The following EDEM3 variants were observed in gnomAD, a reference collection of about 807,000 sequenced individuals.
EDEM3 encodes ER degradation enhancing alpha-mannosidase like protein 3.
EDEM3 carries 60 observed loss-of-function variants against 110.2 expected under a neutral mutation model. The observed-to-expected ratio is 0.54, with a 90% CI of 0.44 to 0.67. The LOEUF (loss-of-function observed/expected upper bound fraction) is 0.67. Among genes scored for constraint, EDEM3 ranks in the 30% least tolerant of loss-of-function variants. The pLI, the probability that EDEM3 is intolerant of heterozygous loss-of-function variation, is 0.00. For synonymous variants in EDEM3, 352 were observed against 382.9 expected, an observed-to-expected ratio of 0.92 and a Z score of 0.94; for missense variants, 996 against 1,121.0, an observed-to-expected ratio of 0.89 and a Z score of 1.59.
chr1:184,749,377 T>A (rs1264332085), intron 2 of EDEM3, among the ~76,000 whole-genome samples, 170 bp downstream of exon 2: 4 of 152,180 alleles, frequency 2.6e-5, no homozygotes, highest in Non-Finnish European at 5.9e-5. Flanking sequence ...ATCTGTTCAA[T>A]AAACTGGTTC....
Position 184,734,568 on chromosome 1 carries a change from C to G in EDEM3, c.421G>C (p.Val141Leu). Residue 141 changes from valine (V) to leucine (L), a missense_variant, in exon 5 of 20, where the codon GTC becomes CTC. Physicochemically the swap from Val to Leu is conservative, Grantham distance 32. Around this residue, in one of 5 missense-constraint regions of EDEM3, gnomAD observed 200 missense variants for 183.8 expected, o/e 1.09. Transcript: ENST00000318130. ...LRDVNLDNDV[V>L]VSVFETNIRV... ...ATGTTTGTTTCAAAGACTGATACGACTACATCGTTATCTAAATTAACATCT... is the reference window on the plus strand; with the variant it reads ...ATGTTTGTTTCAAAGACTGATACGAGTACATCGTTATCTAAATTAACATCT... 1 of 1,553,148 alleles carries G rather than the reference C, an allele frequency of 6.4e-7. No homozygotes were observed. The highest frequency in any genetic ancestry group is 1.2e-5 in the South Asian group (1 of 80,254).
At chr1:184,747,799 G>A (rs190051968) in intron 2 of EDEM3, among the ~76,000 whole-genome samples, 174 of 152,322 alleles carry the variant, frequency 1.1e-3, no homozygotes, top group African/African-American at 3.9e-3. Context: ...AACCTACTAA[G>A]TGTATTCTAT....
At chr1:184,752,243 T>C (rs1652809128) in intron 1 of EDEM3, among the ~76,000 whole-genome samples, 1 of 152,180 alleles carries the variant, frequency 6.6e-6, no homozygotes, top group African/African-American at 2.4e-5. Flanking sequence ...CCACAAAGTG[T>C]AAGTTATTGA....
At chr1:184,703,544 GCTAAA>G (rs1375079410) in intron 18 of EDEM3, among the ~76,000 whole-genome samples, 9 of 152,222 alleles carry the variant, frequency 5.9e-5, no homozygotes, top group South Asian at 2.1e-4. Context: ...TCCTCTATAA[GCTAAA>G]CTAAACAGTA....
rs144035602 is a variant in EDEM3 at position 184,712,534 on chromosome 1, C to A, written c.1435G>T (p.Asp479Tyr). The change falls in exon 14 of 20, where the codon GAC becomes TAC. Residue 479 changes from aspartate to tyrosine, a missense_variant. This residue lies in a region of EDEM3 where 138 missense variants were observed against 124.3 expected (regional missense o/e 1.11). Coordinates refer to ENST00000318130, the MANE Select transcript of EDEM3 (RefSeq NM_025191.4). ...TAATCTTCTATGTCAAAAATAATGTCTTCTTTATCAGCAAATAACAGGTAA... is the reference window on the plus strand; with the variant it reads ...TAATCTTCTATGTCAAAAATAATGTATTCTTTATCAGCAAATAACAGGTAA... ...YLYLLFADKE[D>Y]IIFDIEDYIF... 43 of 1,596,892 alleles carry A rather than the reference C, an allele frequency of 2.7e-5. No homozygotes were observed. Among genetic ancestry groups the A allele is most frequent in the Admixed American group, 6.9e-5 (4 of 58,268 alleles).
chr1:184,723,661 C>T, intron 8 of EDEM3, 90 bp downstream of exon 8: 2 of 1,053,374 alleles, frequency 1.9e-6, no homozygotes, highest in South Asian at 2.8e-5. Flanking sequence ...TTTATAGTAT[C>T]CCAAAGATTA....
chr1:184,748,448 CAA>C (rs139480614), intron 2 of EDEM3, among the ~76,000 whole-genome samples: 3 of 138,150 alleles, frequency 2.2e-5, no homozygotes, highest in Non-Finnish European at 3.1e-5. Flanking sequence ...AACTCCGTCT[CAA>C]AAAAAAAAAC....
At chr1:184,710,366 G>T in intron 16 of EDEM3, 28 bp downstream of exon 16, 2 of 1,605,498 alleles carry the variant, frequency 1.2e-6, no homozygotes, top group Non-Finnish European at 1.7e-6. Flanking sequence ...GGCAGAGACG[G>T]TATCTAATTA....
At chr1:184,728,430 A>C (rs933352616) in intron 6 of EDEM3, among the ~76,000 whole-genome samples, 1 of 152,148 alleles carries the variant, frequency 6.6e-6, no homozygotes, top group African/African-American at 2.4e-5. Flanking sequence ...AAATGGAAAT[A>C]CTTTGAATCA....
At position 184,732,316 on chromosome 1, in the gene EDEM3, G is replaced by A. The variant is rs551418213; in HGVS notation, c.612+521C>T. ...CAATGGTTATCAGAGGCTGGGAAGGGTAGGTGGTGGGGATGGGGAATAGGG... is the reference window on the plus strand; with the variant it reads ...CAATGGTTATCAGAGGCTGGGAAGGATAGGTGGTGGGGATGGGGAATAGGG... On this transcript the variant is annotated intron_variant, in intron 6 of 19. Coordinates refer to ENST00000318130, the MANE Select transcript of EDEM3 (RefSeq NM_025191.4). Among the ~76,000 whole-genome samples the A allele has an allele frequency of 4.6e-5, 7 of 152,278 alleles. No homozygotes were observed. The South Asian group carries it at 1.2e-3, about 27-fold the overall frequency.
chr1:184,708,427 A>G, intron 16 of EDEM3, 83 bp from the exon 17 acceptor site: 1 of 1,399,368 alleles, frequency 7.1e-7, no homozygotes, highest in Non-Finnish European at 9.8e-7. Flanking sequence ...ACTGTACTGT[A>G]GTATTCTACT....
intron 2 of EDEM3, among the ~76,000 whole-genome samples, chr1:184,743,475 A>C (rs1437888629): frequency 1.4e-5 from 2 of 144,184 alleles, no homozygotes; most frequent in Non-Finnish European, 2.9e-5. Context: ...TGAAAGAGCA[A>C]AAATAAAATA....
chr1:184,691,101 A>C lies in EDEM3; in HGVS notation c.*2962T>G, dbSNP rs1050556136. The stretch of plus-strand genomic sequence containing the variant: ...ACTAATACTGTAAAGAAAAAGGGAG[A>C]CGTATAATGCCAAGAGTTAATTTGT... On this transcript the variant is annotated 3_prime_UTR_variant, in exon 20 of 20. Transcript: ENST00000318130. 5.2e-5 allele frequency: 8 copies of C among 152,568 alleles called. No homozygotes were observed. The highest frequency in any genetic ancestry group is 1.9e-4 in the African/African-American group (8 of 41,454). 9.5% of individuals were successfully genotyped at this position (152,568 alleles called of 1,614,324 possible). A position where few individuals can be genotyped will look rare whatever the true frequency, so the allele number is the denominator to read the frequency against.
rs928201091 is a variant in EDEM3, at chr1:184,694,566, T to C, written c.2390-94A>G. Reference sequence around the variant, plus strand: ...TATTGGTTTTTGCAACAAGATGAAATAAAACGTGAAAGAGACTCATGTTAA... The same window carrying C: ...TATTGGTTTTTGCAACAAGATGAAACAAAACGTGAAAGAGACTCATGTTAA... On this transcript the variant is annotated intron_variant, in intron 19 of 19. Transcript: ENST00000318130. 4 of 1,240,874 alleles carry C rather than the reference T, an allele frequency of 3.2e-6. No homozygotes were observed. The Admixed American group carries it at 1.1e-4, about 35-fold the overall frequency. The allele number at this position is 1,240,874 out of a possible 1,614,324, so 76.9% of individuals were successfully genotyped here.
At chr1:184,730,961 G>A (rs1651478369) in intron 6 of EDEM3, among the ~76,000 whole-genome samples, 2 of 151,782 alleles carry the variant, frequency 1.3e-5, no homozygotes, top group African/African-American at 4.8e-5. Flanking sequence ...AAGAGAGAAT[G>A]TCAGAAAGTC....
intron 19 of EDEM3, chr1:184,701,523 A>T (rs1387167232): frequency 2.3e-6 from 3 of 1,282,902 alleles, no homozygotes; most frequent in Non-Finnish European, 1.0e-6. Context: ...GCTTGGAATC[A>T]TTTTACCTTT....
chr1:184,723,092 CTA>C (rs1346923313), intron 8 of EDEM3, among the ~76,000 whole-genome samples: 2 of 151,810 alleles, frequency 1.3e-5, no homozygotes, highest in African/African-American at 4.8e-5. Flanking sequence ...AAATAATTTT[CTA>C]TGTTTTGTAT....
chr1:184,714,506 T>C (rs986433081), intron 13 of EDEM3, among the ~76,000 whole-genome samples: 1 of 151,790 alleles, frequency 6.6e-6, no homozygotes, highest in African/African-American at 2.4e-5. Flanking sequence ...GTGTAGATGA[T>C]GGTAACCTGG....
intron 2 of EDEM3, among the ~76,000 whole-genome samples, chr1:184,742,468 T>C (rs1256556458): frequency 6.6e-6 from 1 of 152,214 alleles, no homozygotes; most frequent in Non-Finnish European, 1.5e-5. Flanking sequence ...CTCAGCTCAC[T>C]GCAACCTCTG....
Sources: gnomAD v4.1 joint callset for allele counts (sites outside exome capture counted in the v4.1 genomes callset) on GRCh38, gnomAD v4.1.1 for gene constraint, gnomAD v4.1.1 regional missense constraint, MANE v1.5 for transcripts, NCBI Gene and HGNC (gene_info 2026-07-23, HGNC 2026-07-21) for gene names.